Variants in KCNN2 observed in about 807,000 individuals in gnomAD.
KCNN2 encodes small conductance calcium-activated potassium channel protein 2.
In KCNN2, 24 loss-of-function variants were observed where a neutral mutation model predicts 55.5. The observed-to-expected ratio is 0.43, with a 90% CI of 0.31 to 0.61. The LOEUF is 0.61. Among genes scored for constraint, KCNN2 ranks in the 20% least tolerant of loss-of-function variants. The pLI is 0.08. For missense variants in KCNN2, 754 were observed against 853.6 expected (o/e 0.88, Z 1.45); for synonymous variants, 431 against 336.1 (o/e 1.28, Z -3.09).
At chr5:114,169,562 G>T (rs1276602466) in intron 1 of KCNN2, among the ~76,000 whole-genome samples, 2 of 152,080 alleles carry the variant, frequency 1.3e-5, no homozygotes, top group African/African-American at 4.8e-5. Context: ...CTGCAGTTTA[G>T]ATACCAGACA....
intron 2 of KCNN2, among the ~76,000 whole-genome samples, chr5:114,390,193 CT>C (rs1408712060): frequency 6.6e-6 from 1 of 152,070 alleles, no homozygotes; most frequent in African/African-American, 2.4e-5. Flanking sequence ...TCAGATTAAA[CT>C]TTTAGAATCA....
At chr5:114,095,151 T>G (rs868146012) in intron 1 of KCNN2, among the ~76,000 whole-genome samples, 12 of 152,272 alleles carry the variant, frequency 7.9e-5, no homozygotes, top group South Asian at 6.2e-4. Flanking sequence ...TAAACTACTA[T>G]GTTTGTGGTA....
chr5:114,378,828 A>C (rs1315476051), intron 2 of KCNN2, among the ~76,000 whole-genome samples: 1 of 152,050 alleles, frequency 6.6e-6, no homozygotes, highest in African/African-American at 2.4e-5. Context: ...CATTTGTTTT[A>C]TGTTGTGAAG....
chr5:114,242,001 A>G (rs1404437780), intron 2 of KCNN2, among the ~76,000 whole-genome samples: 1 of 151,168 alleles, frequency 6.6e-6, no homozygotes, highest in Admixed American at 6.6e-5. Context: ...CCACAATTTC[A>G]TGGATCAGTG....
In KCNN2 at chr5:114,363,174, G is replaced by A. The variant is rs748037041; in HGVS notation, c.1035G>A (p.Arg345=). 6.2e-7 allele frequency: 1 copy of A among 1,613,500 alleles called. No homozygotes were observed. Among genetic ancestry groups the A allele is most frequent in the East Asian group, 2.2e-5 (1 of 44,870 alleles). Residue 345 remains arginine, a synonymous_variant, in exon 1 of 8, where the codon CGG becomes CGA. Transcript: ENST00000673685. ...GCGCCCTGTTCGAAAAGCGCAAGCG[G>A]CTCAGCGACTACGCGCTCATCTTCG... is the stretch of plus-strand genomic sequence containing the variant. ...HRRALFEKRK[R]LSDYALIFGM...
intron 1 of KCNN2, among the ~76,000 whole-genome samples, chr5:114,167,308 C>T (rs1433092064): frequency 6.6e-6 from 1 of 152,088 alleles, no homozygotes; most frequent in African/African-American, 2.4e-5. Context: ...TTATTTTATG[C>T]TACCAAGTTT....
intron 2 of KCNN2, among the ~76,000 whole-genome samples, chr5:114,383,576 C>G (rs1376981778): frequency 6.8e-6 from 1 of 146,792 alleles, no homozygotes; most frequent in East Asian, 2.1e-4. Flanking sequence ...TTAAGCAATT[C>G]TCCTGCCTCC....
intron 3 of KCNN2, among the ~76,000 whole-genome samples, chr5:114,459,334 T>C (rs1482122770): frequency 6.6e-6 from 1 of 152,238 alleles, no homozygotes. Flanking sequence ...TTGAAATTTG[T>C]ACAAATCATT....
chr5:114,460,244 GTTTGTTGTTT>G (rs1260734902), intron 3 of KCNN2, among the ~76,000 whole-genome samples: 1 of 152,046 alleles, frequency 6.6e-6, no homozygotes, highest in Non-Finnish European at 1.5e-5. Context: ...TTGTTTGTTT[GTTTGTTGTTT>G]TTTGACAAGG....
intron 6 of KCNN2, 145 bp from the exon 7 acceptor site, chr5:114,493,258 C>G: frequency 2.8e-6 from 2 of 719,876 alleles, no homozygotes; most frequent in South Asian, 2.9e-5. Flanking sequence ...GTACCAGACA[C>G]ATAACCAGTT....
rs57979172 is a variant in KCNN2, at chr5:114,258,282, A to G, written c.-185+36717A>G. 1.4e-3 allele frequency among the ~76,000 whole-genome samples: 219 copies of G among 152,258 alleles called. 1 individual carries two copies. Among genetic ancestry groups the G allele is most frequent in the African/African-American group, 5.2e-3 (214 of 41,550 alleles). ...GAGGATTTGTGCAGCTATGTTCTTCAGTGATATTACTCTGTAGTTTTTTAC... is the reference window on the plus strand; with the variant it reads ...GAGGATTTGTGCAGCTATGTTCTTCGGTGATATTACTCTGTAGTTTTTTAC... On this transcript the variant is annotated intron_variant, in intron 2 of 10. Transcript: ENST00000512097.
At chr5:114,171,790 A>G (rs1471998068) in intron 1 of KCNN2, among the ~76,000 whole-genome samples, 1 of 151,668 alleles carries the variant, frequency 6.6e-6, no homozygotes, top group Non-Finnish European at 1.5e-5. Flanking sequence ...TTTTCATGCT[A>G]ACTATAAATG....
chr5:114,133,352 C>T (rs991715798), intron 1 of KCNN2, among the ~76,000 whole-genome samples: 2 of 152,036 alleles, frequency 1.3e-5, no homozygotes, highest in Non-Finnish European at 2.9e-5. Context: ...TTTTAAAGTG[C>T]CTTCTTAAAA....
chr5:114,207,769 A>G (rs2112578738), intron 1 of KCNN2, among the ~76,000 whole-genome samples: 1 of 152,354 alleles, frequency 6.6e-6, no homozygotes, highest in East Asian at 1.9e-4. Flanking sequence ...TCTTTCTTAA[A>G]TGATATTCAT....
intron 2 of KCNN2, among the ~76,000 whole-genome samples, chr5:114,278,170 G>T (rs193140163): frequency 1.3e-5 from 2 of 152,310 alleles, no homozygotes; most frequent in Admixed American, 1.3e-4. Flanking sequence ...GGTATCACCA[G>T]TGGAGGCTGC....
chr5:114,117,992 T>C (rs1479416570), intron 1 of KCNN2, among the ~76,000 whole-genome samples: 1 of 151,912 alleles, frequency 6.6e-6, no homozygotes, highest in Non-Finnish European at 1.5e-5. Context: ...GAGGCTGGAG[T>C]ACATCAAACA....
rs796254770 is a variant in KCNN2 at position 114,067,816 on chromosome 5, A to G, written c.-271+11316A>G. Among the ~76,000 whole-genome samples the G allele has an allele frequency of 1.3e-4, 20 of 152,298 alleles. 1 individual carries two copies. Among genetic ancestry groups the G allele is most frequent in the African/African-American group, 4.6e-4 (19 of 41,552 alleles). On this transcript the variant is annotated intron_variant, in intron 1 of 10. Transcript: ENST00000512097. ...ATTTAATTTGAGAACAACTCTCTAT[A>G]TTGTTAGCCTTCACTTGCATAATAT...
chr5:114,310,036 C>CT (rs1756364938), intron 2 of KCNN2, among the ~76,000 whole-genome samples: 1 of 152,196 alleles, frequency 6.6e-6, no homozygotes, highest in East Asian at 1.9e-4. Flanking sequence ...CTTCTTAAAA[C>CT]TTTTTGTGCC....
At chr5:114,474,665 A>C (rs1409384017) in intron 5 of KCNN2, among the ~76,000 whole-genome samples, 5 of 152,196 alleles carry the variant, frequency 3.3e-5, no homozygotes, top group Non-Finnish European at 7.3e-5. Context: ...CATCATGTGC[A>C]TGTTTGGTCC....
Sources: allele counts gnomAD v4.1 joint callset (sites outside exome capture counted in the v4.1 genomes callset), GRCh38; gene constraint gnomAD v4.1.1; transcripts MANE v1.5; gene names NCBI Gene and HGNC (gene_info 2026-07-23, HGNC 2026-07-21).